The following MYO1H variants were observed in gnomAD, a reference collection of about 807,000 sequenced individuals.
The protein encoded by MYO1H is unconventional myosin-Ih.
Under a neutral mutation model 149.3 loss-of-function variants are expected in MYO1H, and 118 were observed. The observed-to-expected ratio is 0.79, with a 90% CI of 0.68 to 0.92. The LOEUF (loss-of-function observed/expected upper bound fraction) is 0.92. Among genes scored for constraint, MYO1H ranks in the 40% least tolerant of loss-of-function variants. The pLI is 0.00. For missense variants in MYO1H, 1,212 were observed against 1,280.7 expected, an observed-to-expected ratio of 0.95 and a Z score of 0.82; for synonymous variants, 447 against 465.2, an observed-to-expected ratio of 0.96 and a Z score of 0.50.
rs759137185 is a variant in MYO1H at position 109,444,498 on chromosome 12, AAGG to A, written c.2965_2967del (p.Glu989del). 8.1e-6 allele frequency: 13 copies of A among 1,613,830 alleles called. No individual in the cohort carries two copies. Among genetic ancestry groups the A allele is most frequent in the Admixed American group, 5.0e-5 (3 of 59,996 alleles). On this transcript the variant is annotated inframe_deletion, in exon 30 of 32. Transcript: ENST00000310903. ...TACTAAACTCGTCATGCTGGTTAAG[AAGG>A]AGAACATTGTCAATGTTGTTCAAGG...
At chr12:109,355,603 G>T (rs893926601) in intron 1 of MYO1H, among the ~76,000 whole-genome samples, 1 of 152,116 alleles carries the variant, frequency 6.6e-6, no homozygotes, top group African/African-American at 2.4e-5. Flanking sequence ...GCTAAAGTTT[G>T]CATCCTGCAT....
At chr12:109,420,863 A>G in intron 15 of MYO1H, 118 bp from the exon 16 acceptor site, 1 of 697,740 alleles carries the variant, frequency 1.4e-6, no homozygotes, top group Non-Finnish European at 2.6e-6. Context: ...AGGTTGAGAA[A>G]CTATGAGCTA....
chr12:109,346,357 A>T (rs1251631417), upstream of MYO1H, among the ~76,000 whole-genome samples: 1 of 152,356 alleles, frequency 6.6e-6, no homozygotes, highest in East Asian at 1.9e-4. Flanking sequence ...TCCCCCACAG[A>T]TACTGAGGTA....
At chr12:109,355,569 T>C (rs950034104) in intron 1 of MYO1H, among the ~76,000 whole-genome samples, 3 of 152,102 alleles carry the variant, frequency 2.0e-5, no homozygotes, top group African/African-American at 7.2e-5. Context: ...CCTCCTCTTG[T>C]GGGTTTTCTA....
intron 1 of MYO1H, among the ~76,000 whole-genome samples, chr12:109,372,968 C>T (rs190281652): frequency 2.2e-4 from 34 of 152,158 alleles, no homozygotes; most frequent in Admixed American, 5.2e-4. Context: ...AGAAATCTGG[C>T]ACATTTGGTG....
At chr12:109,427,356 AGTCTGGGGCC>A in intron 18 of MYO1H, 103 bp from the exon 19 acceptor site, 1 of 618,456 alleles carries the variant, frequency 1.6e-6, no homozygotes, top group Non-Finnish European at 3.0e-6. Flanking sequence ...TCACGAAATG[AGTCTGGGGCC>A]AGACCCAGCC....
intron 16 of MYO1H, among the ~76,000 whole-genome samples, chr12:109,424,340 G>T (rs1389565965): frequency 6.6e-6 from 1 of 152,036 alleles, no homozygotes; most frequent in Non-Finnish European, 1.5e-5. Context: ...TCTTTGTAAA[G>T]ATGAGGTTTT....
At chr12:109,422,454 G>A (rs11066541) in intron 16 of MYO1H, among the ~76,000 whole-genome samples, 26,985 of 152,180 alleles carry the variant, frequency 0.18, 2,823 homozygotes, top group African/African-American at 0.29. Context: ...GCAAAGTGGG[G>A]CTGCTGCTGT....
rs181932699 is a variant in MYO1H, at chr12:109,432,877, A to G, written c.1950-20A>G. 6.2e-6 allele frequency: 10 copies of G among 1,604,814 alleles called. No homozygotes were observed. In the East Asian group the frequency reaches 1.6e-4, roughly 25 times the overall value. On this transcript the variant is annotated intron_variant, in intron 19 of 31. Coordinates refer to ENST00000310903, the Ensembl canonical transcript of MYO1H. The stretch of plus-strand genomic sequence containing the variant: ...AGGAAGGTACGGTCACAGCTTCTCC[A>G]TGTCCATCTCCTCTCCTAGGTACAA...
At chr12:109,397,538 C>T (rs532190819) in intron 4 of MYO1H, among the ~76,000 whole-genome samples, 194 bp from the exon 5 acceptor site, 4 of 152,122 alleles carry the variant, frequency 2.6e-5, no homozygotes, top group African/African-American at 7.2e-5. Context: ...CTTTTCTCCC[C>T]GGGTCCAGAT....
intron 1 of MYO1H, among the ~76,000 whole-genome samples, chr12:109,377,072 G>T (rs1181843396): frequency 6.6e-6 from 1 of 152,152 alleles, no homozygotes; most frequent in Non-Finnish European, 1.5e-5. Context: ...GTATTGTGCA[G>T]CCGCCACTTC....
At chr12:109,425,875 C>A (rs992738976) in intron 17 of MYO1H, 71 bp from the exon 18 acceptor site, 18 of 1,143,940 alleles carry the variant, frequency 1.6e-5, no homozygotes, top group Non-Finnish European at 2.2e-5. Flanking sequence ...CCTGGCCAGT[C>A]TTTTTGTATT....
chr12:109,381,261 G>T (rs1041538323), intron 1 of MYO1H, among the ~76,000 whole-genome samples: 3 of 152,140 alleles, frequency 2.0e-5, no homozygotes, highest in Admixed American at 1.3e-4. Flanking sequence ...AGAAGGACTC[G>T]AATCACTCAG....
intron 1 of MYO1H, among the ~76,000 whole-genome samples, chr12:109,365,642 T>C (rs555418159): frequency 6.6e-6 from 1 of 152,332 alleles, no homozygotes; most frequent in African/African-American, 2.4e-5. Flanking sequence ...AGCCTTAGTT[T>C]GCTCTTTTGA....
At chr12:109,445,302 T>G in intron 30 of MYO1H, 1 of 499,714 alleles carries the variant, frequency 2.0e-6, no homozygotes, top group Non-Finnish European at 3.5e-6. Flanking sequence ...AATGTGCTCA[T>G]TTGATCTCAT....
In MYO1H at chr12:109,443,547, G is replaced by A. The variant is rs764522900; in HGVS notation, c.2722G>A (p.Gly908Ser). The A allele has an allele frequency of 1.2e-6, 2 of 1,613,632 alleles. No individual in the cohort carries two copies. The highest frequency in any genetic ancestry group is 1.7e-6 in the Non-Finnish European group (2 of 1,179,864). The change falls in exon 28 of 32, where the codon GGC (glycine) becomes AGC (serine). Residue 908 changes from glycine (G) to serine (S), a missense_variant. Physicochemically the swap from Gly to Ser is moderately conservative, Grantham distance 56 (BLOSUM62 0). Transcript: ENST00000310903. The stretch of plus-strand genomic sequence containing the variant: ...CCCGGTCATTAAATATGACAGAAAA[G>A]GCTTCAAAGCACGGCAGCGGCAACT...
chr12:109,324,627 C>T, the MYO1H span, among the ~76,000 whole-genome samples: 1 of 152,028 alleles, frequency 6.6e-6, no homozygotes, highest in African/African-American at 2.4e-5. Flanking sequence ...AATGGGTGAA[C>T]ACTGATTTCT....
intron 6 of MYO1H, among the ~76,000 whole-genome samples, chr12:109,403,646 A>G (rs1015490163): frequency 5.9e-5 from 9 of 152,078 alleles, no homozygotes; most frequent in African/African-American, 1.7e-4. Context: ...ATTCCTGCAT[A>G]TTTCAGCAGA....
intron 5 of MYO1H, among the ~76,000 whole-genome samples, chr12:109,399,327 C>T (rs1870054107): frequency 6.6e-6 from 1 of 152,110 alleles, no homozygotes; most frequent in Non-Finnish European, 1.5e-5. Flanking sequence ...CCTGGTGGCT[C>T]GCACCTGTAA....
Sources: gnomAD v4.1 joint callset for allele counts (sites outside exome capture counted in the v4.1 genomes callset) on GRCh38, gnomAD v4.1.1 for gene constraint, MANE v1.5 for transcripts, NCBI Gene and HGNC (gene_info 2026-07-23, HGNC 2026-07-21) for gene names.